The following ZC3H12B variants were observed in gnomAD, a reference collection of about 807,000 sequenced individuals.
ZC3H12B encodes zinc finger CCCH-type containing 12B.
A neutral mutation model predicts 43.9 loss-of-function variants in ZC3H12B; 7 were observed. The ratio of observed to expected loss-of-function variants is 0.16; its 90% CI spans 0.09 to 0.30. The LOEUF is 0.30. Among genes scored for constraint, ZC3H12B ranks in the 10% least tolerant of loss-of-function variants. ZC3H12B has a pLI of 1.00. For missense variants in ZC3H12B, 475 were observed against 670.2 expected (o/e 0.71, Z 3.22); for synonymous variants, 222 against 241.7 (o/e 0.92, Z 0.76).
At chrX:65,421,591 T>A (rs1188502698) in intron 3 of ZC3H12B, among the ~76,000 whole-genome samples, 5 of 112,533 alleles carry the variant, frequency 4.4e-5, no homozygotes, top group Non-Finnish European at 9.4e-5. Context: ...ATGGGCTTAC[T>A]GAATGCCTTG....
chrX:65,197,200 C>T, the ZC3H12B span, among the ~76,000 whole-genome samples: 1 of 111,828 alleles, frequency 8.9e-6, no homozygotes, highest in Non-Finnish European at 1.9e-5. Flanking sequence ...CCGGCAACAG[C>T]CACCTGGCGG....
chrX:65,268,603 C>G, the ZC3H12B span, among the ~76,000 whole-genome samples: 1 of 112,683 alleles, frequency 8.9e-6, no homozygotes, highest in Non-Finnish European at 1.9e-5. Context: ...GCTGCATTAA[C>G]ATATGCAAAT....
the ZC3H12B span, among the ~76,000 whole-genome samples, chrX:65,205,084 G>A: frequency 8.9e-6 from 1 of 112,221 alleles, no homozygotes; most frequent in Non-Finnish European, 1.9e-5. Context: ...TGTAGGAATG[G>A]TAGCTTTTCA....
intron 3 of ZC3H12B, among the ~76,000 whole-genome samples, chrX:65,446,016 C>T (rs1256029283): frequency 9.0e-6 from 1 of 111,307 alleles, no homozygotes; most frequent in African/African-American, 3.3e-5. Context: ...TACTGCCTGG[C>T]TACTGCTGAT....
At chrX:65,437,885 T>C (rs1351222276) in intron 3 of ZC3H12B, among the ~76,000 whole-genome samples, 1 of 112,562 alleles carries the variant, frequency 8.9e-6, no homozygotes, top group East Asian at 2.8e-4. Flanking sequence ...TTTGAGGTCT[T>C]ATATTTAAGT....
intron 3 of ZC3H12B, among the ~76,000 whole-genome samples, chrX:65,473,228 C>G (rs959826358): frequency 9.2e-6 from 1 of 108,444 alleles, no homozygotes; most frequent in African/African-American, 3.4e-5. Context: ...GTTGGCCAGG[C>G]TGGTCTTGAA....
intron 3 of ZC3H12B, among the ~76,000 whole-genome samples, chrX:65,402,756 C>A (rs748810545): frequency 8.9e-6 from 1 of 112,767 alleles, no homozygotes; most frequent in African/African-American, 3.2e-5. Context: ...GCAAGAACTG[C>A]AGCATTACTG....
At chrX:65,496,551 C>A (rs72627607) in intron 1 of ZC3H12B, among the ~76,000 whole-genome samples, 1 of 111,894 alleles carries the variant, frequency 8.9e-6, no homozygotes, top group East Asian at 2.8e-4. Flanking sequence ...TTGTTACTAA[C>A]CATCTGTGGC....
chrX:65,246,915 T>G, the ZC3H12B span, among the ~76,000 whole-genome samples: 1 of 112,272 alleles, frequency 8.9e-6, no homozygotes, highest in Admixed American at 9.4e-5. Context: ...TGGGACCTAG[T>G]TAAACTAAAG....
At chrX:65,357,926 G>C in the ZC3H12B span, among the ~76,000 whole-genome samples, 1 of 110,465 alleles carries the variant, frequency 9.1e-6, no homozygotes, top group East Asian at 2.8e-4. Context: ...AGACCCATTG[G>C]TGTGCAGTAT....
intron 2 of ZC3H12B, among the ~76,000 whole-genome samples, chrX:65,372,479 G>C (rs975533879): frequency 9.9e-5 from 10 of 101,323 alleles, no homozygotes; most frequent in African/African-American, 3.7e-4. Context: ...AGAGAGGAAG[G>C]GAGGAAGGGA....
At chrX:65,153,073 A>T in the ZC3H12B span, among the ~76,000 whole-genome samples, 1 of 112,112 alleles carries the variant, frequency 8.9e-6, no homozygotes, top group East Asian at 2.8e-4. Context: ...ACCTTATACA[A>T]AAATTAATTC....
upstream of ZC3H12B, among the ~76,000 whole-genome samples, chrX:65,486,736 C>T (rs763538576): frequency 3.6e-5 from 4 of 112,252 alleles, no homozygotes; most frequent in Admixed American, 9.5e-5. Flanking sequence ...TTTGCTGTTG[C>T]ATGTCTACAT....
chrX:65,197,468 A>T, the ZC3H12B span, among the ~76,000 whole-genome samples: 1 of 112,354 alleles, frequency 8.9e-6, no homozygotes, highest in Non-Finnish European at 1.9e-5. Context: ...CTCCAAATTC[A>T]ATTTAAGTAA....
the ZC3H12B span, among the ~76,000 whole-genome samples, chrX:65,335,545 A>G: frequency 1.8e-5 from 2 of 111,701 alleles, no homozygotes; most frequent in Non-Finnish European, 3.8e-5. Context: ...GGTAGCTCAG[A>G]GAAGGGAAAA....
chrX:65,153,495 G>A, the ZC3H12B span, among the ~76,000 whole-genome samples: 2 of 112,284 alleles, frequency 1.8e-5, no homozygotes, highest in African/African-American at 3.2e-5. Context: ...ACCATCACTG[G>A]CCATCAGAGA....
chrX:65,170,372 T>C, the ZC3H12B span, among the ~76,000 whole-genome samples: 49 of 112,314 alleles, frequency 4.4e-4, no homozygotes, highest in African/African-American at 1.6e-3. Context: ...CCCACTGTCT[T>C]CTGGCTTTTA....
chrX:65,305,935 A>C, the ZC3H12B span, among the ~76,000 whole-genome samples: 12 of 111,837 alleles, frequency 1.1e-4, no homozygotes, highest in African/African-American at 3.9e-4. Context: ...CTGTTGTCTG[A>C]TTTACCCAAG....
At chrX:65,455,197 T>A (rs1291159252) in intron 3 of ZC3H12B, among the ~76,000 whole-genome samples, 2 of 112,034 alleles carry the variant, frequency 1.8e-5, no homozygotes, top group African/African-American at 6.5e-5. Flanking sequence ...GGAGGAAGTT[T>A]GAACCCATGG....
Sources: gnomAD v4.1 joint callset for allele counts (sites outside exome capture counted in the v4.1 genomes callset) on GRCh38, gnomAD v4.1.1 for gene constraint, MANE v1.5 for transcripts, NCBI Gene and HGNC (gene_info 2026-07-23, HGNC 2026-07-21) for gene names.